ACYP2: variants seen among roughly 807,000 people sequenced by gnomAD.
ACYP2 encodes the protein acylphosphatase 2, also known as acylphosphatase-2.
In ACYP2, 12 loss-of-function variants were observed where a neutral mutation model predicts 11.2. The ratio of observed to expected loss-of-function variants is 1.08; its 90% CI spans 0.69 to 1.74. ACYP2 has a LOEUF of 1.74. ACYP2 is among the 40% of genes most tolerant of loss of function. The pLI, the probability that ACYP2 is intolerant of heterozygous loss-of-function variation, is 0.00. For missense variants in ACYP2, 134 were observed against 101.9 expected, an observed-to-expected ratio of 1.31 and a Z score of -1.35; for synonymous variants, 43 against 32.2, an observed-to-expected ratio of 1.33 and a Z score of -1.13.
intron 4 of ACYP2, among the ~76,000 whole-genome samples, chr2:54,059,102 G>A (rs1358740628): frequency 6.6e-6 from 1 of 151,852 alleles, no homozygotes; most frequent in Non-Finnish European, 1.5e-5. Context: ...TAGAATGAGG[G>A]GTTTGTCCAA....
At chr2:53,989,389 C>A (rs1469267181) in intron 2 of ACYP2, among the ~76,000 whole-genome samples, 1 of 151,644 alleles carries the variant, frequency 6.6e-6, no homozygotes, top group Non-Finnish European at 1.5e-5. Flanking sequence ...CATGCCCTGC[C>A]TGACAAATCT....
At chr2:54,218,788 A>G (rs569324344) in intron 6 of ACYP2, among the ~76,000 whole-genome samples, 14 of 152,292 alleles carry the variant, frequency 9.2e-5, no homozygotes, top group Middle Eastern at 3.4e-3. Context: ...ACCTCCAGGC[A>G]TCCATATTTA....
chr2:54,285,581 C>T lies in ACYP2; in HGVS notation c.405-19107C>T, dbSNP rs540288008. Among the ~76,000 whole-genome samples, 10 of 152,338 alleles carry T rather than the reference C, an allele frequency of 6.6e-5. No homozygotes were observed. In the East Asian group the frequency reaches 1.9e-3, roughly 29 times the overall value. ...CTCAATTTCCACCCTGTGGCTAAGA[C>T]TGCTAGCTGTCCTCCAGTAATCATC... On this transcript the variant is annotated intron_variant, in intron 6 of 6. Transcript: ENST00000607452.
chr2:54,209,465 C>T (rs550484624), intron 6 of ACYP2, among the ~76,000 whole-genome samples: 1 of 152,164 alleles, frequency 6.6e-6, no homozygotes, highest in African/African-American at 2.4e-5. Flanking sequence ...TCAACAAGTA[C>T]ACTTCTTATA....
chr2:54,074,705 G>T (rs191258082), intron 4 of ACYP2, among the ~76,000 whole-genome samples: 1 of 150,942 alleles, frequency 6.6e-6, no homozygotes, highest in Non-Finnish European at 1.5e-5. Flanking sequence ...TAAGGAATTC[G>T]CTCACACAGT....
chr2:54,055,091 C>T (rs1358932953), intron 3 of ACYP2, among the ~76,000 whole-genome samples: 5 of 152,078 alleles, frequency 3.3e-5, no homozygotes, highest in Admixed American at 1.3e-4. Flanking sequence ...GGCTAGAGTG[C>T]AGTGGTGTGA....
chr2:54,000,162 T>C (rs1412543918), intron 2 of ACYP2, among the ~76,000 whole-genome samples: 4 of 151,894 alleles, frequency 2.6e-5, no homozygotes, highest in Admixed American at 2.6e-4. Context: ...TTGAGCTTCT[T>C]AGGGGTCCAA....
At chr2:54,138,517 T>A in intron 5 of ACYP2, 122 bp from the exon 3 acceptor site, 2 of 658,516 alleles carry the variant, frequency 3.0e-6, no homozygotes, top group Middle Eastern at 6.4e-4. Context: ...TCTATACAAT[T>A]GTTGGCATTG....
At chr2:54,232,276 C>T (rs1377924442) in intron 6 of ACYP2, among the ~76,000 whole-genome samples, 1 of 152,184 alleles carries the variant, frequency 6.6e-6, no homozygotes, top group Non-Finnish European at 1.5e-5. Flanking sequence ...TTGTACTACA[C>T]TCTCCAGAGG....
At chr2:53,977,786 G>A (rs571487052) in intron 2 of ACYP2, among the ~76,000 whole-genome samples, 4 of 149,930 alleles carry the variant, frequency 2.7e-5, no homozygotes, top group African/African-American at 4.9e-5. Context: ...ATCCAGTAAC[G>A]CTGCCTCAAA....
At position 54,172,740 on chromosome 2, in the gene ACYP2, CCT is replaced by C. The variant is rs944616139; in HGVS notation, c.404+33993_404+33994del. Among the ~76,000 whole-genome samples, 166 of 152,274 alleles carry C rather than the reference CCT, an allele frequency of 1.1e-3. 1 individual carries two copies. The highest frequency in any genetic ancestry group is 3.9e-3 in the African/African-American group (162 of 41,536). On this transcript the variant is annotated intron_variant, in intron 6 of 6. Coordinates refer to ENST00000607452, the MANE Select transcript of ACYP2 (RefSeq NM_001320586.2). Reference sequence around the variant, plus strand: ...GGCCCCTGTGTGTGATGTTCCCTGCCCTGTGTCCATGTGTTCTTACTGTTCCA... The same window carrying C: ...GGCCCCTGTGTGTGATGTTCCCTGCCGTGTCCATGTGTTCTTACTGTTCCA...
intron 6 of ACYP2, among the ~76,000 whole-genome samples, chr2:54,154,028 A>G (rs942156153): frequency 6.7e-6 from 1 of 150,248 alleles, no homozygotes; most frequent in East Asian, 1.9e-4. Flanking sequence ...CTTTCATCTC[A>G]TTGGTTAAAC....
chr2:54,010,772 G>T, intron 2 of ACYP2, among the ~76,000 whole-genome samples: 1 of 116,066 alleles, frequency 8.6e-6, no homozygotes. Context: ...TTTTGAGGCA[G>T]CAGAGTTCAC....
chr2:53,994,935 A>G (rs980983971), intron 2 of ACYP2, among the ~76,000 whole-genome samples: 2 of 152,158 alleles, frequency 1.3e-5, no homozygotes, highest in South Asian at 2.1e-4. Flanking sequence ...CGTTTCCGTT[A>G]TATTCTGAAT....
At chr2:54,001,949 T>G (rs766445661) in intron 2 of ACYP2, among the ~76,000 whole-genome samples, 4 of 152,150 alleles carry the variant, frequency 2.6e-5, no homozygotes, top group Admixed American at 1.3e-4. Flanking sequence ...TCTTCCACTA[T>G]CAACATACCC....
chr2:54,051,939 C>G (rs1463676072), intron 3 of ACYP2, among the ~76,000 whole-genome samples: 1 of 151,978 alleles, frequency 6.6e-6, no homozygotes, highest in Admixed American at 6.6e-5. Flanking sequence ...CCCAGCTACT[C>G]GGGAAGCTGA....
chr2:54,018,712 T>G (rs1486215592), intron 2 of ACYP2, among the ~76,000 whole-genome samples: 1 of 152,150 alleles, frequency 6.6e-6, no homozygotes, highest in Non-Finnish European at 1.5e-5. Flanking sequence ...CTCTTTATAT[T>G]AAGCATTTGC....
At chr2:54,106,300 G>A (rs1156984704) in intron 4 of ACYP2, among the ~76,000 whole-genome samples, 4 of 149,964 alleles carry the variant, frequency 2.7e-5, no homozygotes, top group Admixed American at 6.6e-5. Context: ...CTGGCCTCAA[G>A]TGATCCTCCC....
At chr2:54,065,778 G>A (rs1676713093) in intron 4 of ACYP2, 1 of 337,532 alleles carries the variant, frequency 3.0e-6, no homozygotes, top group South Asian at 1.5e-4. Context: ...TTCTATTTAA[G>A]AGCATTGTTT....
Sources: allele counts gnomAD v4.1 joint callset (sites outside exome capture counted in the v4.1 genomes callset), GRCh38; gene constraint gnomAD v4.1.1; transcripts MANE v1.5; gene names NCBI Gene and HGNC (gene_info 2026-07-23, HGNC 2026-07-21).